The following DCAF13 variants were observed in gnomAD, a reference collection of about 807,000 sequenced individuals.
DCAF13 encodes the protein DDB1- and CUL4-associated factor 13.
A neutral mutation model predicts 59.0 loss-of-function variants in DCAF13; 38 were observed. That is an observed-to-expected ratio of 0.64 (90% CI 0.50 to 0.84). The LOEUF is 0.84. Ranked by LOEUF, DCAF13 falls within the 40% of genes least tolerant of loss-of-function variation. DCAF13 has a pLI of 0.00. For synonymous variants in DCAF13, 173 were observed against 175.0 expected (o/e 0.99, Z 0.09); for missense variants, 469 against 558.4 (o/e 0.84, Z 1.61).
chr8:103,441,568 C>A lies in DCAF13; in HGVS notation c.1200C>A (p.Ile400=), dbSNP rs747433025. The A allele has an allele frequency of 2.5e-6, 4 of 1,609,878 alleles. No individual in the cohort carries two copies. The highest frequency in any genetic ancestry group is 3.4e-6 in the Non-Finnish European group (4 of 1,179,112). ...GTCATCGACATCTACCAAAATCTAT[C>A]TATAGCCAGATTCAGGAACAGCGCA... ...IARHRHLPKS[I]YSQIQEQRIM... The change falls in exon 10 of 11, where the codon ATC becomes ATA. Residue 400 remains isoleucine (I), a synonymous_variant. Coordinates refer to ENST00000612750, the MANE Select transcript of DCAF13 (RefSeq NM_015420.7).
intron 1 of DCAF13, among the ~76,000 whole-genome samples, chr8:103,417,740 G>A (rs1371940711): frequency 3.9e-5 from 6 of 152,022 alleles, no homozygotes; most frequent in Non-Finnish European, 7.4e-5. Context: ...TTATTAATGG[G>A]GCACACAGAA....
At chr8:103,421,387 TG>T in intron 3 of DCAF13, 1 of 437,474 alleles carries the variant, frequency 2.3e-6, no homozygotes, top group South Asian at 2.0e-5. Flanking sequence ...TTTGTACTTT[TG>T]TTAGTCAGAT....
chr8:103,420,894 C>A (rs528802236), intron 2 of DCAF13, 81 bp from the exon 3 acceptor site: 3 of 1,019,886 alleles, frequency 2.9e-6, no homozygotes, highest in South Asian at 2.6e-5. Flanking sequence ...TAGAGTGATT[C>A]GTAGCCTTGT....
At chr8:103,427,570 A>C in intron 5 of DCAF13, 1 of 324,434 alleles carries the variant, frequency 3.1e-6, no homozygotes, top group Non-Finnish European at 5.6e-6. Context: ...TGTTCCATAG[A>C]TTATGTCATT....
intron 5 of DCAF13, chr8:103,427,955 A>G (rs1173517378): frequency 1.3e-5 from 2 of 152,182 alleles, no homozygotes; most frequent in Non-Finnish European, 2.9e-5. Context: ...CTCAGTAGGG[A>G]TATGTTTTTC....
At chr8:103,421,981 G>A (rs1486637475) in intron 3 of DCAF13, among the ~76,000 whole-genome samples, 1 of 152,186 alleles carries the variant, frequency 6.6e-6, no homozygotes, top group Non-Finnish European at 1.5e-5. Flanking sequence ...CAAGGGGAAC[G>A]ACAAAATCTG....
At chr8:103,422,235 A>G (rs1437058074) in intron 3 of DCAF13, among the ~76,000 whole-genome samples, 1 of 152,178 alleles carries the variant, frequency 6.6e-6, no homozygotes, top group Non-Finnish European at 1.5e-5. Context: ...ATATGATGTG[A>G]CAAACTGGAC....
intron 8 of DCAF13, 82 bp from the exon 9 acceptor site, chr8:103,440,054 G>C: frequency 2.6e-6 from 3 of 1,145,464 alleles, no homozygotes; most frequent in Middle Eastern, 6.3e-4. Flanking sequence ...CTCAGAAATA[G>C]TATCCTGATA....
intron 8 of DCAF13, among the ~76,000 whole-genome samples, chr8:103,439,196 G>A (rs1326259740): frequency 1.3e-5 from 2 of 151,620 alleles, no homozygotes; most frequent in Non-Finnish European, 1.5e-5. Context: ...AGTAGAGATG[G>A]GGTTTCACCT....
intron 5 of DCAF13, chr8:103,429,530 G>A (rs934223305): frequency 1.3e-5 from 2 of 152,120 alleles, no homozygotes; most frequent in Non-Finnish European, 2.9e-5. Flanking sequence ...TACAGAGAGA[G>A]GGTTTCAGGG....
chr8:103,441,319 A>G, intron 9 of DCAF13, 136 bp from the exon 10 acceptor site: 1 of 690,386 alleles, frequency 1.4e-6, no homozygotes, highest in South Asian at 2.1e-5. Flanking sequence ...AACCTTGTAA[A>G]GTGCAGAATT....
At chr8:103,430,508 T>A (rs1586131250) in intron 5 of DCAF13, 104 bp from the exon 6 acceptor site, 2 of 725,960 alleles carry the variant, frequency 2.8e-6, no homozygotes, top group East Asian at 2.7e-5. Context: ...GGACTTTGTT[T>A]TTTAACATAA....
chr8:103,421,901 A>G (rs1026204172), intron 3 of DCAF13, among the ~76,000 whole-genome samples: 5 of 152,134 alleles, frequency 3.3e-5, no homozygotes, highest in South Asian at 2.1e-4. Context: ...CCTTTTGGCT[A>G]TTGTGAATAG....
chr8:103,428,963 G>A (rs528496237), intron 5 of DCAF13: 7 of 151,984 alleles, frequency 4.6e-5, no homozygotes, highest in African/African-American at 1.7e-4. Flanking sequence ...TAAATGGTGT[G>A]TGTGTCTCTT....
chr8:103,421,304 G>T, intron 3 of DCAF13: 1 of 634,688 alleles, frequency 1.6e-6, no homozygotes, highest in East Asian at 3.2e-5. Flanking sequence ...TACCACAAAA[G>T]TGGAATTAAT....
In DCAF13 at chr8:103,415,401, A is replaced by T; in HGVS notation, c.-46A>T. 1 of 1,614,014 alleles carries T rather than the reference A, an allele frequency of 6.2e-7. No individual in the cohort carries two copies. The highest frequency in any genetic ancestry group is 8.5e-7 in the Non-Finnish European group (1 of 1,180,002). On this transcript the variant is annotated 5_prime_UTR_variant, in exon 1 of 11. Transcript: ENST00000612750. ...GTGGGAGGAGGTGGCGGTGGGCGGA[A>T]CTCCTAGCGGACACCTCGTGGAGTC...
In DCAF13 at chr8:103,427,176, A is replaced by C. The variant is rs763209111; in HGVS notation, c.548A>C (p.Glu183Ala). The C allele has an allele frequency of 1.9e-6, 3 of 1,613,590 alleles. No individual in the cohort carries two copies. The East Asian group carries it at 6.7e-5, about 36-fold the overall frequency. The change falls in exon 5 of 11, where the codon GAA becomes GCA. Residue 183 changes from glutamate (E) to alanine (A), a missense_variant. Coordinates refer to ENST00000612750, the MANE Select transcript of DCAF13 (RefSeq NM_015420.7). ...TCGQQVDIWD[E>A]QRTNPICSMT... ...GGACAGCAAGTAGACATTTGGGATG[A>C]ACAAAGAACTAATCCTATATGTTCA... is the stretch of plus-strand genomic sequence containing the variant.
In DCAF13 at chr8:103,427,213, A is replaced by T; in HGVS notation, c.585A>T (p.Gly195=). The T allele has an allele frequency of 6.2e-7, 1 of 1,613,498 alleles. No individual in the cohort carries two copies. Among genetic ancestry groups the T allele is most frequent in the South Asian group, 1.1e-5 (1 of 91,052 alleles). Reference sequence around the variant, plus strand: ...ATCCTATATGTTCAATGACCTGGGGATTTGACAGTATAAGTAGTGTTAAAT... The same window carrying T: ...ATCCTATATGTTCAATGACCTGGGGTTTTGACAGTATAAGTAGTGTTAAAT... ...RTNPICSMTW[G]FDSISSVKFN... The change falls in exon 5 of 11, where the codon GGA becomes GGT. Residue 195 remains glycine (G), a synonymous_variant. Transcript: ENST00000612750.
intron 3 of DCAF13, chr8:103,421,362 T>C: frequency 2.0e-6 from 1 of 507,134 alleles, no homozygotes; most frequent in Non-Finnish European, 3.6e-6. Flanking sequence ...GGATTTTTGA[T>C]GCTAAGATGA....
Sources: gnomAD v4.1 joint callset for allele counts (sites outside exome capture counted in the v4.1 genomes callset) on GRCh38, gnomAD v4.1.1 for gene constraint, MANE v1.5 for transcripts, NCBI Gene and HGNC (gene_info 2026-07-23, HGNC 2026-07-21) for gene names.